LRRC37A2: variants seen among roughly 807,000 people sequenced by gnomAD.
LRRC37A2 encodes leucine rich repeat containing 37 member A2.
LRRC37A2 carries 9 observed loss-of-function variants against 68.8 expected under a neutral mutation model. The ratio of observed to expected loss-of-function variants is 0.13; its 90% confidence interval spans 0.08 to 0.23. The LOEUF (loss-of-function observed/expected upper bound fraction) is 0.23. LRRC37A2 is among the 10% of genes least tolerant of loss of function. The pLI is 1.00. For missense variants in LRRC37A2, 168 were observed against 950.4 expected, an observed-to-expected ratio of 0.18 and a Z score of 10.82; for synonymous variants, 63 against 367.6, an observed-to-expected ratio of 0.17 and a Z score of 9.48.
At chr17:46,772,887 G>C in the LRRC37A2 span, among the ~76,000 whole-genome samples, 1 of 152,094 alleles carries the variant, frequency 6.6e-6, no homozygotes, top group Admixed American at 6.5e-5. Context: ...AGGCTCAGCG[G>C]TTTGGGTGGC....
chr17:46,890,614 G>T, the LRRC37A2 span, among the ~76,000 whole-genome samples: 1 of 152,206 alleles, frequency 6.6e-6, no homozygotes, highest in African/African-American at 2.4e-5. Context: ...CAAAACCACT[G>T]TGCTCAGCCC....
At chr17:46,773,619 T>TGGGGGGGGGGGGGGGGGGGGGGG in the LRRC37A2 span, 1 of 549,848 alleles carries the variant, frequency 1.8e-6, no homozygotes, top group Non-Finnish European at 3.2e-6. Context: ...ACAGTCCTGA[T>TGGGGGGGGGGGGGGGGGGGGGGG]CCCTCCCCCC....
chr17:46,923,138 G>A, the LRRC37A2 span: 1 of 1,218,588 alleles, frequency 8.2e-7, no homozygotes, highest in Non-Finnish European at 1.2e-6. Context: ...GGGGGGCTGT[G>A]AGGACGTGTT....
At chr17:46,492,676 A>G in the LRRC37A2 span, among the ~76,000 whole-genome samples, 3 of 143,052 alleles carry the variant, frequency 2.1e-5, no homozygotes, top group Non-Finnish European at 3.0e-5. Context: ...TGATATTTTC[A>G]GGGTTTTGTT....
chr17:46,755,787 G>T, the LRRC37A2 span: 391 of 1,595,768 alleles, frequency 2.5e-4, 4 homozygotes, highest in Admixed American at 1.4e-4. Flanking sequence ...TTGTGTTTTG[G>T]TATTTCTTTT....
At chr17:46,722,498 A>G in the LRRC37A2 span, among the ~76,000 whole-genome samples, 10 of 152,110 alleles carry the variant, frequency 6.6e-5, no homozygotes, top group African/African-American at 2.2e-4. Context: ...GGATTTATCT[A>G]CCTAAAGTTG....
the LRRC37A2 span, chr17:46,872,782 G>GA: frequency 6.4e-7 from 1 of 1,574,564 alleles, no homozygotes; most frequent in Non-Finnish European, 8.7e-7. Context: ...AGGTGGGGAG[G>GA]AGGGCTAGGG....
the LRRC37A2 span, chr17:46,768,861 T>C: frequency 6.3e-7 from 1 of 1,581,818 alleles, no homozygotes; most frequent in Non-Finnish European, 8.6e-7. This position sits in a 1 kb window ranked among gnomAD's most constrained non-coding sequence, Gnocchi z 5.0. Flanking sequence ...CATCCAGGCC[T>C]TCCCTCTCTG....
chr17:46,755,740 T>TGA, the LRRC37A2 span: 2 of 1,426,424 alleles, frequency 1.4e-6, no homozygotes, highest in Non-Finnish European at 9.5e-7. Flanking sequence ...TTTTTTTTTT[T>TGA]TGATGAATAG....
chr17:46,756,984 A>C, the LRRC37A2 span: 1 of 152,282 alleles, frequency 6.6e-6, no homozygotes, highest in Non-Finnish European at 1.5e-5. Flanking sequence ...AGACTTATGG[A>C]GTGTGCCTCT....
At chr17:46,715,615 A>G in the LRRC37A2 span, among the ~76,000 whole-genome samples, 1 of 152,196 alleles carries the variant, frequency 6.6e-6, no homozygotes, top group African/African-American at 2.4e-5. Context: ...GTTTTTCTAT[A>G]AAGTTTTTAA....
At chr17:46,752,146 G>A in the LRRC37A2 span, among the ~76,000 whole-genome samples, 1 of 152,324 alleles carries the variant, frequency 6.6e-6, no homozygotes. Context: ...GAAATTTCAT[G>A]CAAACTACTG....
At chr17:46,865,434 G>A in the LRRC37A2 span, among the ~76,000 whole-genome samples, 5 of 152,114 alleles carry the variant, frequency 3.3e-5, no homozygotes, top group Non-Finnish European at 7.4e-5. Flanking sequence ...GAGGCTGTGG[G>A]GTGGGCTCCA....
At chr17:46,493,620 C>T in the LRRC37A2 span, among the ~76,000 whole-genome samples, 1 of 148,662 alleles carries the variant, frequency 6.7e-6, no homozygotes, top group South Asian at 2.1e-4. Flanking sequence ...TCACTGCAAG[C>T]TCCCCCTCCC....
At chr17:46,474,117 T>G in the LRRC37A2 span, among the ~76,000 whole-genome samples, 4 of 105,002 alleles carry the variant, frequency 3.8e-5, 2 homozygotes, top group Admixed American at 1.8e-4. Flanking sequence ...TGGTGCAGTC[T>G]CGGCTCACTG....
the LRRC37A2 span, among the ~76,000 whole-genome samples, chr17:46,458,046 A>G: frequency 2.7e-5 from 2 of 74,394 alleles, no homozygotes; most frequent in East Asian, 4.7e-4. Context: ...GAACAATGCC[A>G]TGAGATTTCT....
chr17:47,033,966 G>A, the LRRC37A2 span, among the ~76,000 whole-genome samples: 1 of 152,218 alleles, frequency 6.6e-6, no homozygotes, highest in Non-Finnish European at 1.5e-5. Context: ...TGGACTGGGA[G>A]TCAGTGCACC....
At chr17:46,488,663 C>T in the LRRC37A2 span, among the ~76,000 whole-genome samples, 1 of 134,398 alleles carries the variant, frequency 7.4e-6, no homozygotes, top group Non-Finnish European at 1.6e-5. Flanking sequence ...CAAGATCGCA[C>T]CACTGCACTC....
chr17:46,820,154 C>G, the LRRC37A2 span, among the ~76,000 whole-genome samples: 1 of 152,242 alleles, frequency 6.6e-6, no homozygotes, highest in Non-Finnish European at 1.5e-5. Flanking sequence ...CCCGTACCCA[C>G]AGCTCCAACC....
Sources: gnomAD v4.1 joint callset for allele counts (sites outside exome capture counted in the v4.1 genomes callset) on GRCh38, gnomAD v4.1.1 for gene constraint, Gnocchi (gnomAD v3.1) non-coding constraint, MANE v1.5 for transcripts, NCBI Gene and HGNC (gene_info 2026-07-23, HGNC 2026-07-21) for gene names.